The following BBS9 variants were observed in gnomAD, a reference collection of about 807,000 sequenced individuals.
BBS9 encodes Bardet-Biedl syndrome 9, also known as protein PTHB1.
In BBS9, 89 loss-of-function variants were observed where a neutral mutation model predicts 117.7. The observed-to-expected ratio is 0.76, with a 90% CI of 0.64 to 0.90. The LOEUF is 0.90. Among genes scored for constraint, BBS9 ranks in the 40% least tolerant of loss-of-function variants. The pLI, the probability that BBS9 is intolerant of heterozygous loss-of-function variation, is 0.00. For synonymous variants in BBS9, 379 were observed against 370.9 expected, an observed-to-expected ratio of 1.02 and a Z score of -0.25; for missense variants, 982 against 1,042.2, an observed-to-expected ratio of 0.94 and a Z score of 0.80.
chr7:33,378,318 A>G (rs1016535109), intron 17 of BBS9, among the ~76,000 whole-genome samples: 4 of 152,196 alleles, frequency 2.6e-5, no homozygotes, highest in African/African-American at 7.2e-5. Context: ...TCACTCAGCA[A>G]TATTTTTTGA....
intron 19 of BBS9, among the ~76,000 whole-genome samples, chr7:33,427,035 T>C (rs1348141570): frequency 6.6e-6 from 1 of 152,144 alleles, no homozygotes; most frequent in Non-Finnish European, 1.5e-5. Flanking sequence ...TTACTGACCA[T>C]TATAAAAGAT....
intron 19 of BBS9, among the ~76,000 whole-genome samples, chr7:33,454,329 C>T (rs1350963069): frequency 6.6e-6 from 1 of 152,178 alleles, no homozygotes; most frequent in African/African-American, 2.4e-5. Flanking sequence ...CTATCACTCA[C>T]TTGGCTTTGA....
chr7:33,208,443 C>A (rs1787370779), intron 5 of BBS9, among the ~76,000 whole-genome samples: 1 of 152,202 alleles, frequency 6.6e-6, no homozygotes, highest in Non-Finnish European at 1.5e-5. Context: ...GAGCTTTGAA[C>A]TTGTAGATCC....
At chr7:33,635,456 T>G (rs1043892212) in exon 22 of BBS9, among the ~76,000 whole-genome samples, 1 of 152,212 alleles carries the variant, frequency 6.6e-6, no homozygotes, top group African/African-American at 2.4e-5. Flanking sequence ...GCCTGGGCCC[T>G]GGAACCAGCC....
At chr7:33,593,742 C>T (rs531148115) in intron 21 of BBS9, among the ~76,000 whole-genome samples, 138 of 152,194 alleles carry the variant, frequency 9.1e-4, no homozygotes, top group African/African-American at 9.9e-4. Context: ...GTGTAGAGAC[C>T]GCTCTTGCCA....
At chr7:33,307,724 A>T (rs1475682318) in intron 9 of BBS9, among the ~76,000 whole-genome samples, 1 of 152,092 alleles carries the variant, frequency 6.6e-6, no homozygotes, top group African/African-American at 2.4e-5. Context: ...TTTTTAGGGC[A>T]TAATGACAAG....
intron 9 of BBS9, among the ~76,000 whole-genome samples, chr7:33,329,444 A>G (rs981619700): frequency 3.3e-5 from 5 of 152,200 alleles, no homozygotes; most frequent in African/African-American, 1.2e-4. Flanking sequence ...ATATATATTT[A>G]TAAACAGAAT....
intron 5 of BBS9, among the ~76,000 whole-genome samples, chr7:33,208,403 G>T (rs559311995): frequency 1.3e-5 from 2 of 152,264 alleles, no homozygotes; most frequent in East Asian, 3.9e-4. Flanking sequence ...TTCCAGTGCT[G>T]CACCCTTTCA....
chr7:33,430,796 C>T (rs1834327245), intron 19 of BBS9, among the ~76,000 whole-genome samples: 1 of 152,140 alleles, frequency 6.6e-6, no homozygotes. Flanking sequence ...GCATGTCTGC[C>T]TCTCCCTTGT....
At chr7:33,244,502 A>G (rs1321968188) in intron 5 of BBS9, among the ~76,000 whole-genome samples, 2 of 152,164 alleles carry the variant, frequency 1.3e-5, no homozygotes, top group Non-Finnish European at 2.9e-5. Context: ...TAACTAAATT[A>G]TCTGATATCC....
At chr7:33,490,992 A>C (rs1477918012) in intron 19 of BBS9, among the ~76,000 whole-genome samples, 1 of 152,116 alleles carries the variant, frequency 6.6e-6, no homozygotes, top group Non-Finnish European at 1.5e-5. Flanking sequence ...GTCACAGCCA[A>C]AGTAGATCTA....
chr7:33,336,104 G>A (rs965424875), intron 9 of BBS9, among the ~76,000 whole-genome samples: 5 of 152,032 alleles, frequency 3.3e-5, no homozygotes, highest in African/African-American at 1.2e-4. Flanking sequence ...TGCTTATTAC[G>A]GAAATGCCAA....
At chr7:33,574,901 A>G (rs1248037796) in intron 21 of BBS9, among the ~76,000 whole-genome samples, 2 of 152,102 alleles carry the variant, frequency 1.3e-5, no homozygotes, top group Admixed American at 1.3e-4. Flanking sequence ...TTTTAAATTT[A>G]AAATATGCAT....
chr7:33,615,814 A>C (rs575886788), intron 21 of BBS9, among the ~76,000 whole-genome samples: 16 of 152,208 alleles, frequency 1.1e-4, no homozygotes, highest in Middle Eastern at 3.4e-3. Context: ...TCTTGAAAGA[A>C]GCTAGAGGGG....
chr7:33,287,947 G>A (rs1803210369), intron 9 of BBS9, among the ~76,000 whole-genome samples: 1 of 152,130 alleles, frequency 6.6e-6, no homozygotes, highest in Admixed American at 6.5e-5. Context: ...ACAGATGAGG[G>A]AACTTGCACA....
chr7:33,618,548 A>G (rs1157132809), intron 21 of BBS9, among the ~76,000 whole-genome samples: 1 of 152,122 alleles, frequency 6.6e-6, no homozygotes, highest in Non-Finnish European at 1.5e-5. Flanking sequence ...TAACAGATAC[A>G]CATTATCTAC....
At chr7:33,430,254 T>C (rs1834243144) in intron 19 of BBS9, among the ~76,000 whole-genome samples, 1 of 152,250 alleles carries the variant, frequency 6.6e-6, no homozygotes, top group African/African-American at 2.4e-5. Context: ...GAGTCTGCTC[T>C]GTCAAGTAGT....
At chr7:33,278,424 C>A (rs1801189190) in intron 9 of BBS9, among the ~76,000 whole-genome samples, 1 of 152,114 alleles carries the variant, frequency 6.6e-6, no homozygotes, top group Non-Finnish European at 1.5e-5. Flanking sequence ...TTAAGTGAAC[C>A]ACAGACTATA....
chr7:33,187,840 T>C (rs1185888902), intron 5 of BBS9, among the ~76,000 whole-genome samples: 1 of 151,942 alleles, frequency 6.6e-6, no homozygotes, highest in Non-Finnish European at 1.5e-5. Flanking sequence ...AGAAATCGCT[T>C]GAACCCAGGA....
Sources: allele counts gnomAD v4.1 joint callset (sites outside exome capture counted in the v4.1 genomes callset), GRCh38; gene constraint gnomAD v4.1.1; transcripts MANE v1.5; gene names NCBI Gene and HGNC (gene_info 2026-07-23, HGNC 2026-07-21).